AKTIP: variants seen among roughly 807,000 people sequenced by gnomAD.
AKTIP encodes the protein AKT-interacting protein.
AKTIP carries 16 observed loss-of-function variants against 39.1 expected under a neutral mutation model. The ratio of observed to expected loss-of-function variants is 0.41; its 90% CI spans 0.28 to 0.62. AKTIP has a LOEUF of 0.62. Ranked by LOEUF, AKTIP falls within the 20% of genes least tolerant of loss-of-function variation. AKTIP has a pLI of 0.32. For synonymous variants in AKTIP, 93 were observed against 124.3 expected (o/e 0.75, Z 1.67); for missense variants, 262 against 356.6 (o/e 0.73, Z 2.14).
Position 53,494,121 on chromosome 16 carries a change from G to C in AKTIP, c.710+17C>G, listed in dbSNP as rs1961676324. 6.3e-7 allele frequency: 1 copy of C among 1,574,820 alleles called. No homozygotes were observed. The highest frequency in any genetic ancestry group is 8.7e-7 in the Non-Finnish European group (1 of 1,144,562). On this transcript the variant is annotated intron_variant, in intron 8 of 9. Coordinates refer to ENST00000394657, the MANE Select transcript of AKTIP (RefSeq NM_022476.4). Reference sequence around the variant, plus strand: ...GAAAGGACAGTGGACAGTTCACTTGGGGGATGCACCACTTACCTAATTGCA... The same window carrying C: ...GAAAGGACAGTGGACAGTTCACTTGCGGGATGCACCACTTACCTAATTGCA...
chr16:53,494,486 T>C (rs759791866), intron 6 of AKTIP, 31 bp downstream of exon 6: 2 of 1,613,838 alleles, frequency 1.2e-6, no homozygotes, highest in South Asian at 2.2e-5. Context: ...TGCTGTATTA[T>C]GTCACTAAAA....
intron 3 of AKTIP, 75 bp from the exon 4 acceptor site, chr16:53,495,401 T>C (rs757882196): frequency 4.2e-5 from 61 of 1,438,402 alleles, no homozygotes; most frequent in Non-Finnish European, 5.6e-5. Flanking sequence ...CACATTCACT[T>C]TGAGACAATG....
chr16:53,494,533 C>T lies in AKTIP; in HGVS notation c.487G>A (p.Ala163Thr). 6.2e-7 allele frequency: 1 copy of T among 1,614,172 alleles called. No homozygotes were observed. Among genetic ancestry groups the T allele is most frequent in the East Asian group, 2.2e-5 (1 of 44,886 alleles). ...TTTACTTACCTCCATTTTGCAAATG[C>T]TCTCTTCACATCCAGCTCACCTGAG... ...PTSGELDVKR[A>T]FAKWRRNHNH... The change falls in exon 6 of 10, where the codon GCA (alanine) becomes ACA (threonine). Residue 163 changes from alanine to threonine, a missense_variant. Ala to Thr is a moderately conservative substitution (Grantham distance 58, BLOSUM62 0). Around this residue, in one of 4 missense-constraint regions of AKTIP, gnomAD observed 145 missense variants for 159.3 expected, o/e 0.91. Transcript: ENST00000394657.
Position 53,498,576 on chromosome 16 carries a change from C to G in AKTIP, c.63G>C (p.Lys21Asn), listed in dbSNP as rs61734118. 3.6e-5 allele frequency: 58 copies of G among 1,614,090 alleles called. No individual in the cohort carries two copies. Among genetic ancestry groups the G allele is most frequent in the Non-Finnish European group, 4.7e-5 (56 of 1,179,950 alleles). ...SVRKRSEGEEKTLTGDVKTSP... is the reference protein window; with the variant it reads ...SVRKRSEGEENTLTGDVKTSP... Reference sequence around the variant, plus strand: ...TGGTTTTCACGTCCCCTGTTAATGTCTTCTCTTCACCTTCAGATCGCTATA... The same window carrying G: ...TGGTTTTCACGTCCCCTGTTAATGTGTTCTCTTCACCTTCAGATCGCTATA... Residue 21 changes from lysine to asparagine, a missense_variant, in exon 3 of 10, where the codon AAG becomes AAC. Physicochemically the swap from Lys to Asn is moderately conservative, Grantham distance 94. Around this residue, in one of 4 missense-constraint regions of AKTIP, gnomAD observed 88 missense variants for 132.1 expected, o/e 0.67. Coordinates refer to ENST00000394657, the MANE Select transcript of AKTIP (RefSeq NM_022476.4).
At chr16:53,494,917 C>A (rs757190401) in intron 5 of AKTIP, 156 bp downstream of exon 5, 3 of 784,268 alleles carry the variant, frequency 3.8e-6, no homozygotes, top group Non-Finnish European at 6.6e-6. Flanking sequence ...TGATGGCATG[C>A]CGGAAGCTGC....
At position 53,492,534 on chromosome 16, in the gene AKTIP, C is replaced by A; in HGVS notation, c.772-15G>T. On this transcript the variant is annotated splice_polypyrimidine_tract_variant and intron_variant, in intron 9 of 9. Coordinates refer to ENST00000394657, the MANE Select transcript of AKTIP (RefSeq NM_022476.4). ...TCTTCAGGCTTCTTCTAGGCACAAT[C>A]AAAACAGATATTTAAAAAATTACTG... 2 of 1,613,478 alleles carry A rather than the reference C, an allele frequency of 1.2e-6. No individual in the cohort carries two copies. Among genetic ancestry groups the A allele is most frequent in the South Asian group, 1.1e-5 (1 of 91,034 alleles).
intron 2 of AKTIP, among the ~76,000 whole-genome samples, chr16:53,499,730 G>A (rs1962058154): frequency 6.6e-6 from 1 of 151,630 alleles, no homozygotes; most frequent in Admixed American, 6.6e-5. Flanking sequence ...AAAGTGCTGG[G>A]GATTACAAGC....
At chr16:53,503,689 G>T (rs1167557592), upstream of AKTIP, among the ~76,000 whole-genome samples, 2 of 152,182 alleles carry the variant, frequency 1.3e-5, no homozygotes, top group African/African-American at 4.8e-5. Context: ...TTTGGGGAGG[G>T]CCGGGCCGCG....
Position 53,497,596 on chromosome 16 carries a change from C to G in AKTIP, c.248+795G>C, listed in dbSNP as rs544817807. ...CCTCCATCTGTCAGGAGGCTGCCTA[C>G]AAGGCGACAACCAAATGGAGCACCA... On this transcript the variant is annotated intron_variant, in intron 3 of 9. Transcript: ENST00000394657. Among the ~76,000 whole-genome samples the G allele has an allele frequency of 2.6e-5, 4 of 152,314 alleles. No homozygotes were observed. The East Asian group carries it at 7.7e-4, about 29-fold the overall frequency.
Position 53,494,196 on chromosome 16 carries a change from T to C in AKTIP, c.652A>G (p.Lys218Glu). The C allele has an allele frequency of 1.2e-6, 2 of 1,614,216 alleles. No individual in the cohort carries two copies. The highest frequency in any genetic ancestry group is 1.7e-6 in the Non-Finnish European group (2 of 1,180,030). The stretch of plus-strand genomic sequence containing the variant: ...TCAAACAAACGAGCAGTGCACACCT[T>C]AACACTGTCAACAACTTTACTTTTA... ...LFKSKVVDSVKVCTARLFDQP... is the reference protein window; with the variant it reads ...LFKSKVVDSVEVCTARLFDQP... Residue 218 changes from lysine (K) to glutamate (E), a missense_variant, in exon 8 of 10, where the codon AAG (lysine) becomes GAG (glutamate). Transcript: ENST00000394657.
chr16:53,498,332 T>G (rs192175938), intron 3 of AKTIP, 59 bp downstream of exon 3: 1 of 1,558,200 alleles, frequency 6.4e-7, no homozygotes, highest in East Asian at 2.2e-5. Flanking sequence ...AGAATAAATT[T>G]CATTCTTCAC....
intron 9 of AKTIP, 47 bp downstream of exon 9, chr16:53,492,646 G>GAAA (rs762636791): frequency 1.2e-6 from 2 of 1,607,930 alleles, no homozygotes. Flanking sequence ...AGACATTTTA[G>GAAA]AAAAGAAACA....
At chr16:53,497,788 C>T (rs1385978121) in intron 3 of AKTIP, among the ~76,000 whole-genome samples, 8 of 152,200 alleles carry the variant, frequency 5.3e-5, no homozygotes, top group Admixed American at 5.2e-4. Context: ...TTCGCTTTAT[C>T]GCCCAGGCTG....
chr16:53,498,942 A>T (rs1962005582), intron 2 of AKTIP, among the ~76,000 whole-genome samples: 1 of 152,232 alleles, frequency 6.6e-6, no homozygotes, highest in Non-Finnish European at 1.5e-5. Context: ...ACAACTGTAC[A>T]AGGCTAGAAA....
At position 53,492,065 on chromosome 16, in the gene AKTIP, T is replaced by G. The variant is rs1961512634; in HGVS notation, c.*347A>C. On this transcript the variant is annotated 3_prime_UTR_variant, in exon 10 of 10. Transcript: ENST00000394657. ...CATATATACAACTGAAACCACTGATTTATAAACTATTAAGTAGTGCTGAAT... is the reference window on the plus strand; with the variant it reads ...CATATATACAACTGAAACCACTGATGTATAAACTATTAAGTAGTGCTGAAT... 1 of 198,490 alleles carries G rather than the reference T, an allele frequency of 5.0e-6. No individual in the cohort carries two copies. The highest frequency in any genetic ancestry group is 2.3e-5 in the African/African-American group (1 of 42,782). 12.3% of individuals were successfully genotyped at this position (198,490 alleles called of 1,614,324 possible).
In AKTIP at chr16:53,495,415, G is replaced by T; in HGVS notation, c.249-89C>A. On this transcript the variant is annotated intron_variant, in intron 3 of 9. Transcript: ENST00000394657. ...CCACATTCACTTTGAGACAATGAAC[G>T]GCCCCTCAATGGGCAGCTGATGCCC... The T allele has an allele frequency of 4.6e-6, 6 of 1,291,686 alleles. No individual in the cohort carries two copies. In the South Asian group the frequency reaches 7.4e-5, roughly 16 times the overall value. 80.0% of individuals were successfully genotyped at this position (1,291,686 alleles called of 1,614,324 possible). A position where few individuals can be genotyped will look rare whatever the true frequency, so the allele number is the denominator to read the frequency against.
intron 8 of AKTIP, chr16:53,493,001 G>A: frequency 2.3e-6 from 1 of 436,820 alleles, no homozygotes; most frequent in Non-Finnish European, 4.2e-6. Flanking sequence ...AGACAGCAAA[G>A]CAGAGTAAAT....
chr16:53,497,044 G>A (rs1411545149), intron 3 of AKTIP, among the ~76,000 whole-genome samples: 1 of 152,044 alleles, frequency 6.6e-6, no homozygotes, highest in African/African-American at 2.4e-5. Flanking sequence ...TGATCCTCCT[G>A]CGTCAGTCTC....
At position 53,492,268 on chromosome 16, in the gene AKTIP, T is replaced by A; in HGVS notation, c.*144A>T. 1.5e-6 allele frequency: 1 copy of A among 685,238 alleles called. No individual in the cohort carries two copies. Among genetic ancestry groups the A allele is most frequent in the Non-Finnish European group, 2.5e-6 (1 of 405,220 alleles). 42.4% of individuals were successfully genotyped at this position (685,238 alleles called of 1,614,324 possible). ...GAGACAGGTTTCCAAACCCTGCTGTTAGAACCTATGCATACATGGAAAACA... is the reference window on the plus strand; with the variant it reads ...GAGACAGGTTTCCAAACCCTGCTGTAAGAACCTATGCATACATGGAAAACA... On this transcript the variant is annotated 3_prime_UTR_variant, in exon 10 of 10. Transcript: ENST00000394657.
Sources: gnomAD v4.1 joint callset for allele counts (sites outside exome capture counted in the v4.1 genomes callset) on GRCh38, gnomAD v4.1.1 for gene constraint, gnomAD v4.1.1 regional missense constraint, MANE v1.5 for transcripts, NCBI Gene and HGNC (gene_info 2026-07-23, HGNC 2026-07-21) for gene names.